The following SEMA3E variants were observed in gnomAD, a reference collection of about 807,000 sequenced individuals.
SEMA3E encodes the protein semaphorin 3E.
In SEMA3E, 49 loss-of-function variants were observed where a neutral mutation model predicts 93.6. The observed-to-expected ratio is 0.52, with a 90% confidence interval of 0.42 to 0.66. SEMA3E has a LOEUF of 0.66. SEMA3E is among the 30% of genes least tolerant of loss of function. SEMA3E has a pLI of 0.00. For synonymous variants in SEMA3E, 363 were observed against 330.7 expected (o/e 1.10, Z -1.06); for missense variants, 906 against 964.8 (o/e 0.94, Z 0.81).
intron 1 of SEMA3E, among the ~76,000 whole-genome samples, chr7:83,622,822 G>T (rs970744032): frequency 6.6e-6 from 1 of 152,174 alleles, no homozygotes; most frequent in South Asian, 2.1e-4. Flanking sequence ...ACACACTGGG[G>T]CCTGTCAGGG....
chr7:83,504,187 A>G (rs558971382), intron 1 of SEMA3E, among the ~76,000 whole-genome samples: 1 of 152,330 alleles, frequency 6.6e-6, no homozygotes, highest in African/African-American at 2.4e-5. Context: ...TACTTTATCA[A>G]TATCACATTT....
At chr7:83,615,421 T>C (rs915336752) in intron 1 of SEMA3E, among the ~76,000 whole-genome samples, 1 of 152,044 alleles carries the variant, frequency 6.6e-6, no homozygotes, top group Non-Finnish European at 1.5e-5. Context: ...ATGAAGGGAA[T>C]AATTTAGGGA....
chr7:83,631,489 CA>C (rs1793785040), intron 1 of SEMA3E, among the ~76,000 whole-genome samples: 1 of 152,168 alleles, frequency 6.6e-6, no homozygotes, highest in Non-Finnish European at 1.5e-5. Flanking sequence ...AGAATTTCGA[CA>C]ATGAATGCAA....
chr7:83,489,376 C>A (rs1166504467), intron 2 of SEMA3E, among the ~76,000 whole-genome samples: 3 of 149,634 alleles, frequency 2.0e-5, no homozygotes, highest in Non-Finnish European at 4.4e-5. Context: ...TGGCAGAAAC[C>A]AAGGAATGAT....
intron 1 of SEMA3E, among the ~76,000 whole-genome samples, chr7:83,627,844 T>C (rs1410339530): frequency 6.6e-6 from 1 of 152,156 alleles, no homozygotes; most frequent in Non-Finnish European, 1.5e-5. Context: ...TACATGTGAA[T>C]TTGATCCTGT....
chr7:83,385,313 C>T lies in SEMA3E; in HGVS notation c.1856G>A (p.Arg619His), dbSNP rs140160399. The stretch of plus-strand genomic sequence containing the variant: ...AATTACCTCCTCTTTTCTTGTCTCA[C>T]GTCCTTTCTGTACAAACCAGATAAC... ...AKVIWFVQKGRETRKEEVKTD... is the reference protein window; with the variant it reads ...AKVIWFVQKGHETRKEEVKTD... Residue 619 changes from arginine to histidine, a missense_variant, in exon 16 of 17, where the codon CGT becomes CAT. Transcript: ENST00000643230. 1.9e-5 allele frequency: 31 copies of T among 1,613,140 alleles called. No individual in the cohort carries two copies. Among genetic ancestry groups the T allele is most frequent in the African/African-American group, 1.5e-4 (11 of 74,828 alleles).
chr7:83,592,356 T>G (rs1478512516), intron 1 of SEMA3E, among the ~76,000 whole-genome samples: 1 of 152,128 alleles, frequency 6.6e-6, no homozygotes, highest in Non-Finnish European at 1.5e-5. Context: ...TTGCTGTACT[T>G]GCAAAGTGTA....
chr7:83,490,067 T>TC lies in SEMA3E; in HGVS notation c.276+46dup, dbSNP rs772507420. On this transcript the variant is annotated intron_variant, in intron 2 of 16. Transcript: ENST00000643230. ...AAAGACAAGTAACATTCTTGAAATT[T>TC]CCCCCCTTTTCTATCTCTACTGAAA... 2.0e-5 allele frequency: 32 copies of TC among 1,575,638 alleles called. No homozygotes were observed. In the South Asian group the frequency reaches 3.4e-4, roughly 17 times the overall value.
chr7:83,429,252 A>G (rs1272268394), intron 4 of SEMA3E, among the ~76,000 whole-genome samples: 1 of 152,196 alleles, frequency 6.6e-6, no homozygotes, highest in Non-Finnish European at 1.5e-5. Context: ...TATTCCTAAA[A>G]CTTTTAATAA....
chr7:83,433,486 C>T (rs572902655), intron 4 of SEMA3E, among the ~76,000 whole-genome samples: 22 of 152,200 alleles, frequency 1.4e-4, no homozygotes, highest in Admixed American at 1.2e-3. Flanking sequence ...TTTCTACAGT[C>T]AAGTCAAACT....
intron 1 of SEMA3E, among the ~76,000 whole-genome samples, chr7:83,494,881 T>G (rs1328290836): frequency 6.6e-6 from 1 of 151,982 alleles, no homozygotes; most frequent in African/African-American, 2.4e-5. Flanking sequence ...TCATAATTCA[T>G]AGATTGCTGG....
chr7:83,574,489 G>C (rs1792359453), intron 1 of SEMA3E, among the ~76,000 whole-genome samples: 1 of 150,934 alleles, frequency 6.6e-6, no homozygotes, highest in South Asian at 2.1e-4. Context: ...AGAGACTAAG[G>C]TAGATTGTTT....
intron 4 of SEMA3E, among the ~76,000 whole-genome samples, chr7:83,451,033 C>T (rs757472337): frequency 6.6e-6 from 1 of 152,006 alleles, no homozygotes; most frequent in Non-Finnish European, 1.5e-5. Flanking sequence ...GGTAGTTTCC[C>T]CCATCCTGTT....
chr7:83,638,850 G>A (rs912226904), intron 1 of SEMA3E, among the ~76,000 whole-genome samples: 2 of 151,974 alleles, frequency 1.3e-5, no homozygotes, highest in Non-Finnish European at 2.9e-5. Flanking sequence ...GGTGGCTCAC[G>A]CCTGTAATCC....
chr7:83,410,519 A>G (rs1788418210), intron 5 of SEMA3E, among the ~76,000 whole-genome samples: 1 of 152,080 alleles, frequency 6.6e-6, no homozygotes, highest in African/African-American at 2.4e-5. Flanking sequence ...GTTATTTGAT[A>G]ATAGAAAGGG....
intron 2 of SEMA3E, among the ~76,000 whole-genome samples, chr7:83,473,663 G>A (rs1337965028): frequency 6.6e-6 from 1 of 152,140 alleles, no homozygotes; most frequent in Non-Finnish European, 1.5e-5. Flanking sequence ...GCATTCCTGT[G>A]CGGAAATATT....
At chr7:83,505,354 A>C (rs913049995) in intron 1 of SEMA3E, among the ~76,000 whole-genome samples, 1 of 152,210 alleles carries the variant, frequency 6.6e-6, no homozygotes, top group Admixed American at 6.5e-5. Context: ...AAATTAATTT[A>C]AAAATCTAAG....
chr7:83,604,390 T>TA (rs1270329687), intron 1 of SEMA3E, among the ~76,000 whole-genome samples: 4 of 151,468 alleles, frequency 2.6e-5, no homozygotes, highest in African/African-American at 9.7e-5. Flanking sequence ...GACACAGTTT[T>TA]TTGAATTTGG....
Position 83,367,914 on chromosome 7 carries a change from T to G in SEMA3E, c.2000A>C (p.Lys667Thr). Reference sequence around the variant, plus strand: ...CTCTTCCACTACCTCCAAGGTGATTTTACGGACCGTATGGACAAAGCTATG... The same window carrying G: ...CTCTTCCACTACCTCCAAGGTGATTGTACGGACCGTATGGACAAAGCTATG... ...VEHSFVHTVR[K>T]ITLEVVEEEK... The change falls in exon 17 of 17, where the codon AAA (lysine) becomes ACA (threonine). Residue 667 changes from lysine (K) to threonine (T), a missense_variant. By Grantham distance (78) the Lys-to-Thr change is moderately conservative. Transcript: ENST00000643230. 1 of 1,610,938 alleles carries G rather than the reference T, an allele frequency of 6.2e-7. No individual in the cohort carries two copies. Among genetic ancestry groups the G allele is most frequent in the Non-Finnish European group, 8.5e-7 (1 of 1,178,030 alleles).
Sources: allele counts gnomAD v4.1 joint callset (sites outside exome capture counted in the v4.1 genomes callset), GRCh38; gene constraint gnomAD v4.1.1; transcripts MANE v1.5; gene names NCBI Gene and HGNC (gene_info 2026-07-23, HGNC 2026-07-21).